Variants in SDHC observed in about 807,000 individuals in gnomAD.
SDHC encodes succinate dehydrogenase complex subunit C.
Under a neutral mutation model 22.6 loss-of-function variants are expected in SDHC, and 11 were observed. The ratio of observed to expected loss-of-function variants is 0.49; its 90% CI spans 0.31 to 0.81. The LOEUF (loss-of-function observed/expected upper bound fraction) is 0.81, where lower values mean the gene tolerates loss of function less well. SDHC is among the 30% of genes least tolerant of loss of function. The pLI is 0.05. For synonymous variants in SDHC, 80 were observed against 77.8 expected, an observed-to-expected ratio of 1.03 and a Z score of -0.15; for missense variants, 160 against 212.0, an observed-to-expected ratio of 0.75 and a Z score of 1.52.
In SDHC at chr1:161,339,508, A is replaced by T. The variant is rs774076347; in HGVS notation, c.180-1086A>T. On this transcript the variant is annotated intron_variant, in intron 3 of 5. Transcript: ENST00000367975. ...CAACTTTAATGAGTGTCTTTGACCC[A>T]TGTTTCTCCTTGCGAAAGGAGTTTT... 7.0e-6 allele frequency: 7 copies of T among 1,006,282 alleles called. No homozygotes were observed. In the African/African-American group the frequency reaches 1.2e-4, roughly 17 times the overall value. The allele number at this position is 1,006,282 out of a possible 1,614,324, so 62.3% of individuals were successfully genotyped here.
chr1:161,361,053 C>G (rs913837639), intron 5 of SDHC, among the ~76,000 whole-genome samples: 5 of 152,076 alleles, frequency 3.3e-5, no homozygotes, highest in Non-Finnish European at 5.9e-5. Context: ...GCTGACGTTG[C>G]TGTGAGCCAA....
intron 3 of SDHC, among the ~76,000 whole-genome samples, chr1:161,332,632 C>G (rs190821058): frequency 1.2e-4 from 17 of 138,858 alleles, no homozygotes; most frequent in Non-Finnish European, 2.1e-4. Flanking sequence ...TTTTCTTTTT[C>G]TTTCTTTTTT....
intron 3 of SDHC, among the ~76,000 whole-genome samples, chr1:161,333,430 G>A (rs1239215729): frequency 1.4e-5 from 2 of 148,068 alleles, no homozygotes; most frequent in Non-Finnish European, 3.0e-5. Flanking sequence ...TTTAAAGACG[G>A]AGTCTCGCTC....
chr1:161,323,654 C>G lies in SDHC; in HGVS notation c.61C>G (p.Gln21Glu), dbSNP rs1553261768. 3.1e-6 allele frequency: 5 copies of G among 1,612,280 alleles called. No homozygotes were observed. Among genetic ancestry groups the G allele is most frequent in the Non-Finnish European group, 3.4e-6 (4 of 1,178,546 alleles). ...RHCLRAHFSP[Q>E]LCIRNAVPLG... The stretch of plus-strand genomic sequence containing the variant: ...TTGCCTCCGAGCCCACTTTAGCCCT[C>G]AGCTCTGTATCAGAAAGTAAGTTTC... The change falls in exon 2 of 6, where the codon CAG (glutamine) becomes GAG (glutamate). Residue 21 changes from glutamine to glutamate, a missense_variant. By Grantham distance (29) the Gln-to-Glu change is conservative. Around this residue, in one of 2 missense-constraint regions of SDHC, gnomAD observed 86 missense variants for 83.4 expected, o/e 1.03. Transcript: ENST00000367975.
At chr1:161,316,127 C>T (rs1487245802) in intron 1 of SDHC, among the ~76,000 whole-genome samples, 1 of 152,166 alleles carries the variant, frequency 6.6e-6, no homozygotes, top group Non-Finnish European at 1.5e-5. Flanking sequence ...TACACCGAGA[C>T]ATTCCATTGC....
intron 1 of SDHC, among the ~76,000 whole-genome samples, chr1:161,322,332 T>C (rs1670866458): frequency 6.6e-6 from 1 of 152,232 alleles, no homozygotes; most frequent in Admixed American, 6.5e-5. Context: ...CACTGATGTA[T>C]ACATTTCAAA....
chr1:161,360,207 A>G (rs1341992207), intron 5 of SDHC, among the ~76,000 whole-genome samples: 1 of 151,802 alleles, frequency 6.6e-6, no homozygotes, highest in African/African-American at 2.4e-5. Flanking sequence ...CTTATAATAT[A>G]ATATTAATAT....
chr1:161,319,175 C>T (rs1229612268), intron 1 of SDHC, among the ~76,000 whole-genome samples: 5 of 151,732 alleles, frequency 3.3e-5, no homozygotes, highest in African/African-American at 4.8e-5. Context: ...GAGCTGAGAT[C>T]GTGCCATTGC....
chr1:161,358,354 A>G (rs1672363754), intron 5 of SDHC, among the ~76,000 whole-genome samples: 1 of 151,094 alleles, frequency 6.6e-6, no homozygotes, highest in African/African-American at 2.4e-5. Context: ...CCTGGTCTTG[A>G]ACTCTTGGCT....
chr1:161,361,303 G>A (rs1199541498), intron 5 of SDHC, among the ~76,000 whole-genome samples: 2 of 151,734 alleles, frequency 1.3e-5, no homozygotes, highest in Admixed American at 1.3e-4. Flanking sequence ...GGTAAATATT[G>A]TTTTATCAAC....
intron 4 of SDHC, among the ~76,000 whole-genome samples, chr1:161,356,231 A>G (rs1301228770): frequency 2.6e-5 from 4 of 152,058 alleles, no homozygotes; most frequent in Non-Finnish European, 4.4e-5. Flanking sequence ...AAACTTGAAC[A>G]TGAGTTTAAA....
chr1:161,328,404 C>T lies in SDHC; in HGVS notation c.86C>T (p.Pro29Leu), dbSNP rs1671145169. Residue 29 changes from proline (P) to leucine (L), a missense_variant, in exon 3 of 6, where the codon CCT (proline) becomes CTT (leucine). Coordinates refer to ENST00000367975, the MANE Select transcript of SDHC (RefSeq NM_003001.5). ...GTCTGGTTTTATTTTAGTGCTGTTC[C>T]TTTGGGAACCACGGCCAAAGAAGAG... ...SPQLCIRNAV[P>L]LGTTAKEEME... 1 of 1,612,316 alleles carries T rather than the reference C, an allele frequency of 6.2e-7. No individual in the cohort carries two copies. The highest frequency in any genetic ancestry group is 8.5e-7 in the Non-Finnish European group (1 of 1,178,558).
At chr1:161,351,221 G>T (rs564373400) in intron 4 of SDHC, among the ~76,000 whole-genome samples, 1 of 152,110 alleles carries the variant, frequency 6.6e-6, no homozygotes, top group Admixed American at 6.5e-5. Context: ...TGGCTTTCTG[G>T]GTCTTGGATT....
chr1:161,339,662 G>GTTTTTTTTTTTTGTTTTTT (rs1671639450), intron 3 of SDHC: 1 of 49,566 alleles, frequency 2.0e-5, no homozygotes, highest in African/African-American at 1.0e-4. Flanking sequence ...TGATACAGGT[G>GTTTTTTTTTTTTGTTTTTT]TTTTTTTTTT....
intron 4 of SDHC, among the ~76,000 whole-genome samples, chr1:161,343,227 CTA>C (rs1479398279): frequency 6.6e-6 from 1 of 152,140 alleles, no homozygotes; most frequent in Non-Finnish European, 1.5e-5. Context: ...CTTCTGTAGA[CTA>C]TGTTTTTAAC....
intron 2 of SDHC, among the ~76,000 whole-genome samples, chr1:161,326,498 T>TG (rs138007672): frequency 0.034 from 5,159 of 149,612 alleles, 183 homozygotes; most frequent in East Asian, 0.17. Context: ...AGAAAGCAAG[T>TG]GGGGGAACAT....
chr1:161,330,754 CT>C (rs1671242317), intron 3 of SDHC, among the ~76,000 whole-genome samples: 1 of 152,140 alleles, frequency 6.6e-6, no homozygotes, highest in Admixed American at 6.6e-5. Context: ...AATCCTAGCA[CT>C]TTGGGAGACC....
At chr1:161,346,720 T>C (rs1671912312) in intron 4 of SDHC, among the ~76,000 whole-genome samples, 2 of 151,286 alleles carry the variant, frequency 1.3e-5, no homozygotes, top group Admixed American at 6.6e-5. Flanking sequence ...TAATAAGAGA[T>C]ATGAGACCCC....
intron 4 of SDHC, among the ~76,000 whole-genome samples, chr1:161,353,359 AT>A (rs1268691302): frequency 2.6e-5 from 4 of 152,198 alleles, no homozygotes; most frequent in African/African-American, 7.2e-5. Flanking sequence ...ATATTTGGCT[AT>A]TGAAGTTTCA....
Sources: allele counts gnomAD v4.1 joint callset (sites outside exome capture counted in the v4.1 genomes callset), GRCh38; gene constraint gnomAD v4.1.1; regional missense constraint gnomAD v4.1.1; transcripts MANE v1.5; gene names NCBI Gene and HGNC (gene_info 2026-07-23, HGNC 2026-07-21).